The following ISM2 variants were observed in gnomAD, a reference collection of about 807,000 sequenced individuals.
ISM2 encodes the protein isthmin-2.
Under a neutral mutation model 58.0 loss-of-function variants are expected in ISM2, and 50 were observed. That is an observed-to-expected ratio of 0.86 (90% CI 0.69 to 1.09). ISM2 has a LOEUF of 1.09. Among genes scored for constraint, ISM2 ranks in the 50% least tolerant of loss-of-function variants. ISM2 has a pLI of 0.00. For missense variants in ISM2, 723 were observed against 745.0 expected, an observed-to-expected ratio of 0.97 and a Z score of 0.34; for synonymous variants, 303 against 312.4, an observed-to-expected ratio of 0.97 and a Z score of 0.32.
At chr14:77,498,478 G>C in intron 1 of ISM2, 175 bp downstream of exon 1, 1 of 1,187,904 alleles carries the variant, frequency 8.4e-7, no homozygotes, top group Non-Finnish European at 1.2e-6. Flanking sequence ...CCGAAGTCCG[G>C]CGCACCTGGG....
At position 77,486,373 on chromosome 14, in the gene ISM2, C is replaced by A. The variant is rs138015903; in HGVS notation, c.142-1454G>T. On this transcript the variant is annotated intron_variant, in intron 1 of 6. Coordinates refer to ENST00000342219, the MANE Select transcript of ISM2 (RefSeq NM_199296.3). ...AACACCTGGCTCCAGGGCTCCTGCA[C>A]TAAACGCCTGGTCCCAGGGCAGCCG... Among the ~76,000 whole-genome samples the A allele has an allele frequency of 3.9e-3, 600 of 152,336 alleles. 2 individuals are homozygous for A. Among genetic ancestry groups the A allele is most frequent in the African/African-American group, 0.014 (567 of 41,576 alleles).
At chr14:77,484,178 G>T in intron 3 of ISM2, 145 bp downstream of exon 3, 1 of 1,044,798 alleles carries the variant, frequency 9.6e-7, no homozygotes, top group Non-Finnish European at 1.4e-6. Context: ...ACACCACAGG[G>T]AGAGCATGGG....
chr14:77,476,224 G>A (rs1433988280), intron 6 of ISM2, 112 bp from the exon 7 acceptor site: 57 of 1,242,510 alleles, frequency 4.6e-5, no homozygotes, highest in Non-Finnish European at 5.3e-5. Flanking sequence ...GGCCCCAGCT[G>A]GTGCAAAGGC....
At chr14:77,478,404 A>G (rs1363346951) in intron 5 of ISM2, 79 bp from the exon 6 acceptor site, 1 of 1,461,064 alleles carries the variant, frequency 6.8e-7, no homozygotes, top group Non-Finnish European at 9.5e-7. Context: ...CCCCACCTCA[A>G]TAGGCTCTCA....
At position 77,484,478 on chromosome 14, in the gene ISM2, G is replaced by A. The variant is rs1456279503; in HGVS notation, c.472C>T (p.Gln158Ter). Residue 158 changes from glutamine to a stop codon, truncating the protein, a stop_gained, in exon 3 of 7, where the codon CAA (glutamine) becomes TAA (stop). Coordinates refer to ENST00000342219, the MANE Select transcript of ISM2 (RefSeq NM_199296.3). LOFTEE classifies it high-confidence loss of function. ...TCAGTGACAGTCCAACATCCATGTT[G>A]GTGTAGCTCTGCCTGCAGGTGGGTT... is the stretch of plus-strand genomic sequence containing the variant. ...PRTHLQAELH[Q>*]HGCWTVTEPA... 1.9e-6 allele frequency: 3 copies of A among 1,610,032 alleles called. No individual in the cohort carries two copies.
intron 3 of ISM2, 200 bp from the exon 4 acceptor site, chr14:77,482,867 A>G (rs1444689460): frequency 3.9e-6 from 2 of 506,850 alleles, no homozygotes; most frequent in African/African-American, 3.9e-5. Flanking sequence ...CTGGAGGTGC[A>G]TTAGAATCAC....
In ISM2 at chr14:77,480,216, G is replaced by T. The variant is rs188693484; in HGVS notation, c.974-1501C>A. On this transcript the variant is annotated intron_variant, in intron 4 of 6. Transcript: ENST00000342219. ...CAGGAGGATCATCTGAGCCAGGGAGGTTGAGGCAGCAGTGAGCTGTGATCA... is the reference window on the plus strand; with the variant it reads ...CAGGAGGATCATCTGAGCCAGGGAGTTTGAGGCAGCAGTGAGCTGTGATCA... Among the ~76,000 whole-genome samples, 103 of 151,692 alleles carry T rather than the reference G, an allele frequency of 6.8e-4. 1 individual carries two copies. The highest frequency in any genetic ancestry group is 2.2e-3 in the African/African-American group (89 of 41,356).
At chr14:77,480,242 T>C (rs960036448) in intron 4 of ISM2, among the ~76,000 whole-genome samples, 36 of 151,038 alleles carry the variant, frequency 2.4e-4, no homozygotes, top group African/African-American at 8.3e-4. Context: ...GCTGTGATCA[T>C]GCTACTGCAC....
intron 1 of ISM2, among the ~76,000 whole-genome samples, chr14:77,487,779 G>A (rs997281041): frequency 1.3e-5 from 2 of 152,260 alleles, no homozygotes; most frequent in Non-Finnish European, 2.9e-5. Context: ...GTAGGGGAGC[G>A]AGACAGGGAA....
chr14:77,479,757 C>T lies in ISM2; in HGVS notation c.974-1042G>A, dbSNP rs879442214. 1.9e-4 allele frequency among the ~76,000 whole-genome samples: 29 copies of T among 152,158 alleles called. 1 individual carries two copies. Among genetic ancestry groups the T allele is most frequent in the Admixed American group, 8.5e-4 (13 of 15,268 alleles). ...CTCGAACTCCTGACCTCAAGTGATC[C>T]GCCTGCCTTGGCCTCCCAAAGTACT... On this transcript the variant is annotated intron_variant, in intron 4 of 6. Coordinates refer to ENST00000342219, the MANE Select transcript of ISM2 (RefSeq NM_199296.3).
Position 77,475,648 on chromosome 14 carries a change from TGTCG to T in ISM2, c.1659_1662del (p.Asp554ThrfsTer8). 1 of 1,612,084 alleles carries T rather than the reference TGTCG, an allele frequency of 6.2e-7. No individual in the cohort carries two copies. Among genetic ancestry groups the T allele is most frequent in the Non-Finnish European group, 8.5e-7 (1 of 1,178,860 alleles). ...GCTAGGTACTCCTCCTCCAGGGGGT[TGTCG>T]GTGCAGGCTCGGCCGTTGTTGGGAG... On this transcript the variant is annotated frameshift_variant, in exon 7 of 7. Coordinates refer to ENST00000342219, the MANE Select transcript of ISM2 (RefSeq NM_199296.3). LOFTEE classifies it high-confidence loss of function. This position sits in a 1 kb window ranked among gnomAD's most constrained non-coding sequence, Gnocchi z 4.1.
rs574759478 is a variant in ISM2, at chr14:77,478,803, T to A, written c.974-88A>T. On this transcript the variant is annotated intron_variant, in intron 4 of 6. Coordinates refer to ENST00000342219, the MANE Select transcript of ISM2 (RefSeq NM_199296.3). ...CAGCACAGGGCACCCTTTCCTCAGG[T>A]GGATGCAGCCCATGCCAGGGCTTCC... is the stretch of plus-strand genomic sequence containing the variant. The A allele has an allele frequency of 6.0e-4, 830 of 1,392,552 alleles. 4 individuals carry two copies. The African/African-American group carries it at 0.011, about 18-fold the overall frequency. 86.3% of individuals were successfully genotyped at this position (1,392,552 alleles called of 1,614,324 possible).
rs1445931323 is a variant in ISM2 at position 77,498,604 on chromosome 14, G to A, written c.141+49C>T. On this transcript the variant is annotated intron_variant, in intron 1 of 6. Coordinates refer to ENST00000342219, the MANE Select transcript of ISM2 (RefSeq NM_199296.3). The stretch of plus-strand genomic sequence containing the variant: ...GCACGGCTGGAGCCGGCGGGCTGGG[G>A]AGGTGGGACCGACAGCGCGCTCCGC... 5 of 1,403,460 alleles carry A rather than the reference G, an allele frequency of 3.6e-6. No homozygotes were observed. In the African/African-American group the frequency reaches 6.1e-5, roughly 17 times the overall value. 86.9% of individuals were successfully genotyped at this position (1,403,460 alleles called of 1,614,324 possible). A position where few individuals can be genotyped will look rare whatever the true frequency, so the allele number is the denominator to read the frequency against.
chr14:77,494,783 C>A (rs1297440040), intron 1 of ISM2, among the ~76,000 whole-genome samples: 1 of 152,120 alleles, frequency 6.6e-6, no homozygotes, highest in Admixed American at 6.6e-5. Flanking sequence ...AACACCTTTG[C>A]CATAGACAGC....
chr14:77,494,214 G>A (rs918827331), intron 1 of ISM2, among the ~76,000 whole-genome samples: 9 of 152,094 alleles, frequency 5.9e-5, no homozygotes, highest in African/African-American at 2.2e-4. Context: ...TGGAGATCAT[G>A]CCCATGTCAA....
chr14:77,497,769 GGGAAGGAAGGAAGGAAGGAAGGAAGGAA>G (rs1177768719), intron 1 of ISM2, among the ~76,000 whole-genome samples: 1 of 86,192 alleles, frequency 1.2e-5, no homozygotes, highest in Non-Finnish European at 2.2e-5. Context: ...GAGGGAGGGA[GGGAAGGAAGGAAGGAAGGAAGGAAGGAA>G]GGAAGGAAGG....
chr14:77,494,357 T>G (rs2139973590), intron 1 of ISM2, among the ~76,000 whole-genome samples: 1 of 152,272 alleles, frequency 6.6e-6, no homozygotes, highest in South Asian at 2.1e-4. Context: ...GCTTCTTCAT[T>G]AAGGTCTTTG....
At chr14:77,477,495 C>T (rs2079105649) in intron 6 of ISM2, among the ~76,000 whole-genome samples, 2 of 152,164 alleles carry the variant, frequency 1.3e-5, no homozygotes, top group Non-Finnish European at 2.9e-5. Flanking sequence ...CACACATTTC[C>T]CAGGCCCACC....
At chr14:77,490,329 C>T (rs2079195310) in intron 1 of ISM2, among the ~76,000 whole-genome samples, 2 of 152,146 alleles carry the variant, frequency 1.3e-5, no homozygotes, top group South Asian at 4.1e-4. Context: ...TGCACTGGGC[C>T]CCACAAAAAA....
Sources: allele counts gnomAD v4.1 joint callset (sites outside exome capture counted in the v4.1 genomes callset), GRCh38; gene constraint gnomAD v4.1.1; non-coding constraint Gnocchi (gnomAD v3.1); transcripts MANE v1.5; gene names NCBI Gene and HGNC (gene_info 2026-07-23, HGNC 2026-07-21).